Variants in OSBPL10 observed in about 807,000 individuals in gnomAD.
OSBPL10 encodes the protein oxysterol-binding protein-related protein 10.
In OSBPL10, 49 loss-of-function variants were observed where a neutral mutation model predicts 81.7. The ratio of observed to expected loss-of-function variants is 0.60; its 90% CI spans 0.48 to 0.76. OSBPL10 has a LOEUF of 0.76. Among genes scored for constraint, OSBPL10 ranks in the 30% least tolerant of loss-of-function variants. The pLI, the probability that OSBPL10 is intolerant of heterozygous loss-of-function variation, is 0.00. For synonymous variants in OSBPL10, 419 were observed against 383.6 expected (o/e 1.09, Z -1.08); for missense variants, 923 against 987.8 (o/e 0.93, Z 0.88).
intron 4 of OSBPL10, among the ~76,000 whole-genome samples, chr3:31,788,866 G>A (rs113792710): frequency 0.012 from 1,878 of 152,030 alleles, 37 homozygotes; most frequent in African/African-American, 0.043. Context: ...AAATACAGAA[G>A]GCATGAGGAA....
At chr3:31,770,783 T>C (rs1052116171) in intron 4 of OSBPL10, among the ~76,000 whole-genome samples, 1 of 151,508 alleles carries the variant, frequency 6.6e-6, no homozygotes, top group Admixed American at 6.6e-5. Context: ...CAAAACTCTG[T>C]CTCAAAAAAA....
intron 1 of OSBPL10, among the ~76,000 whole-genome samples, chr3:31,913,304 A>G (rs1411219364): frequency 3.3e-5 from 5 of 151,306 alleles, no homozygotes; most frequent in Admixed American, 6.6e-5. Context: ...GCTGGAGTAC[A>G]GTGGCACGAT....
chr3:31,816,952 G>A (rs1002644735), intron 4 of OSBPL10, among the ~76,000 whole-genome samples: 5 of 152,132 alleles, frequency 3.3e-5, no homozygotes, highest in Non-Finnish European at 7.4e-5. Flanking sequence ...TCAGCAGAGA[G>A]GGTACTCCAC....
chr3:31,785,514 A>T (rs564479079), intron 4 of OSBPL10, among the ~76,000 whole-genome samples: 51 of 152,276 alleles, frequency 3.3e-4, no homozygotes, highest in African/African-American at 1.2e-3. Flanking sequence ...TGTTTCAGTA[A>T]GCCCCAAGGC....
intron 4 of OSBPL10, among the ~76,000 whole-genome samples, chr3:31,754,942 C>A (rs1296572812): frequency 6.6e-6 from 1 of 151,884 alleles, no homozygotes; most frequent in Admixed American, 6.6e-5. Context: ...TGCTTTTTTT[C>A]TTTTTTAGGC....
intron 5 of OSBPL10, 65 bp from the exon 6 acceptor site, chr3:31,733,476 A>G (rs767401638): frequency 4.4e-6 from 7 of 1,597,552 alleles, no homozygotes; most frequent in Non-Finnish European, 5.1e-6. Context: ...CTCATGAAAT[A>G]TTTGTACTCA....
chr3:31,915,940 TA>T (rs375094120), intron 1 of OSBPL10, among the ~76,000 whole-genome samples: 131 of 151,374 alleles, frequency 8.7e-4, no homozygotes, highest in African/African-American at 3.2e-3. Context: ...CTAAAAAATA[TA>T]AAAAATTAGC....
Position 31,980,957 on chromosome 3 carries a change from G to T in OSBPL10, c.223C>A (p.Pro75Thr), listed in dbSNP as rs866907969. Residue 75 changes from proline (P) to threonine (T), a missense_variant, in exon 1 of 12, where the codon CCG becomes ACG. Transcript: ENST00000396556. ...PSGGGGRRRE[P>T]ALEGVLSKYT... is the part of the protein sequence containing the mutation. ...TTGCTGAGCACGCCCTCGAGCGCCG[G>T]CTCCCTCCTGCGGCCGCCTCCCCCG... 2 of 1,573,284 alleles carry T rather than the reference G, an allele frequency of 1.3e-6. No individual in the cohort carries two copies.
At chr3:31,907,624 A>C (rs1194847872) in intron 1 of OSBPL10, among the ~76,000 whole-genome samples, 10 of 130,682 alleles carry the variant, frequency 7.7e-5, no homozygotes, top group South Asian at 2.6e-4. Context: ...CATCTCAAAA[A>C]AAAAAAAAAA....
At chr3:31,934,213 T>C (rs1469902327) in intron 1 of OSBPL10, among the ~76,000 whole-genome samples, 1 of 151,712 alleles carries the variant, frequency 6.6e-6, no homozygotes, top group Non-Finnish European at 1.5e-5. Flanking sequence ...TGCCTGTCTG[T>C]GGTAACAGCT....
intron 1 of OSBPL10, among the ~76,000 whole-genome samples, chr3:31,951,448 T>C (rs1370362167): frequency 2.0e-5 from 3 of 151,972 alleles, no homozygotes; most frequent in African/African-American, 7.2e-5. Context: ...CAAGAGTTAG[T>C]GGTTACCTAA....
chr3:32,067,326 GC>G (rs1477592321), intron 1 of OSBPL10, among the ~76,000 whole-genome samples: 4 of 152,112 alleles, frequency 2.6e-5, no homozygotes, highest in Non-Finnish European at 5.9e-5. Context: ...GGAACCCAGA[GC>G]CACTGCCAAA....
Position 31,798,885 on chromosome 3 carries a change from G to C in OSBPL10, c.729+31155C>G, listed in dbSNP as rs74964877. Among the ~76,000 whole-genome samples the C allele has an allele frequency of 1.4e-3, 218 of 152,266 alleles. 2 individuals carry two copies. The highest frequency in any genetic ancestry group is 4.5e-3 in the African/African-American group (187 of 41,550). On this transcript the variant is annotated intron_variant, in intron 4 of 11. Coordinates refer to ENST00000396556, the MANE Select transcript of OSBPL10 (RefSeq NM_017784.5). ...GGCACCAGTGACCAGTTTTGTGGAA[G>C]ACAATTAAGGAGCATGCAACCTAGA...
chr3:32,049,433 G>A (rs1412531615), intron 1 of OSBPL10, among the ~76,000 whole-genome samples: 1 of 152,144 alleles, frequency 6.6e-6, no homozygotes, highest in Admixed American at 6.6e-5. Context: ...CCCAGGTAAA[G>A]GATAGGATTG....
upstream of OSBPL10, among the ~76,000 whole-genome samples, chr3:31,983,439 T>C (rs951903488): frequency 1.5e-4 from 23 of 152,314 alleles, no homozygotes; most frequent in African/African-American, 5.5e-4. Flanking sequence ...AATTCTCACC[T>C]TGGACTAAAA....
intron 4 of OSBPL10, among the ~76,000 whole-genome samples, chr3:31,820,271 AAAG>A (rs1408844606): frequency 2.6e-5 from 4 of 152,160 alleles, no homozygotes; most frequent in Non-Finnish European, 5.9e-5. Context: ...TGCCCTTAAG[AAAG>A]AAGGTTATGG....
chr3:32,068,976 T>C (rs149541728), intron 1 of OSBPL10, among the ~76,000 whole-genome samples: 116 of 152,156 alleles, frequency 7.6e-4, no homozygotes, highest in African/African-American at 2.3e-3. Flanking sequence ...ACCCTTCTAT[T>C]ACCTCCCCTC....
rs183685916 is a variant in OSBPL10, at chr3:31,713,195, C to T, written c.1096-10687G>A. ...TGACTGTGGCCCGTGAGGCCCTACA[C>T]GATGTTGCCCCCACGACTTCTCTAC... On this transcript the variant is annotated intron_variant, in intron 6 of 11. Transcript: ENST00000396556. 1.2e-3 allele frequency among the ~76,000 whole-genome samples: 178 copies of T among 152,284 alleles called. 2 individuals are homozygous for T. Among genetic ancestry groups the T allele is most frequent in the African/African-American group, 3.9e-3 (163 of 41,572 alleles).
chr3:31,994,802 C>T (rs973681626), intron 2 of OSBPL10, among the ~76,000 whole-genome samples: 1 of 152,038 alleles, frequency 6.6e-6, no homozygotes, highest in Admixed American at 6.6e-5. Flanking sequence ...AAACAAATAC[C>T]CCAGTATCAG....
Sources: allele counts gnomAD v4.1 joint callset (sites outside exome capture counted in the v4.1 genomes callset), GRCh38; gene constraint gnomAD v4.1.1; transcripts MANE v1.5; gene names NCBI Gene and HGNC (gene_info 2026-07-23, HGNC 2026-07-21).